Variants in MAPK14 observed in about 807,000 individuals in gnomAD.
MAPK14 encodes mitogen-activated protein kinase 14.
A neutral mutation model predicts 49.6 loss-of-function variants in MAPK14; 16 were observed. The ratio of observed to expected loss-of-function variants is 0.32; its 90% CI spans 0.22 to 0.49. The LOEUF (loss-of-function observed/expected upper bound fraction) is 0.49. Ranked by LOEUF, MAPK14 falls within the 20% of genes least tolerant of loss-of-function variation. MAPK14 has a pLI of 0.99. For synonymous variants in MAPK14, 142 were observed against 158.0 expected (o/e 0.90, Z 0.76); for missense variants, 200 against 441.2 (o/e 0.45, Z 4.90).
Position 36,028,915 on chromosome 6 carries a change from G to GC in MAPK14, c.116+643dup, listed in dbSNP as rs1185528202. Among the ~76,000 whole-genome samples, 2 of 150,716 alleles carry GC rather than the reference G, an allele frequency of 1.3e-5. No individual in the cohort carries two copies. The highest frequency in any genetic ancestry group is 6.6e-5 in the Admixed American group (1 of 15,046). ...TAAAATACCGACTTTATCTCGGTGA[G>GC]CACTGTGCCAGCTTGAGTGGTGTGT... is the stretch of plus-strand genomic sequence containing the variant. On this transcript the variant is annotated intron_variant, in intron 1 of 11. Coordinates refer to ENST00000229794, the MANE Select transcript of MAPK14 (RefSeq NM_139012.3). The surrounding 1 kb of genome is among the most constrained non-coding windows in gnomAD (Gnocchi z 5.1).
intron 2 of MAPK14, among the ~76,000 whole-genome samples, chr6:36,056,228 A>C (rs540476876): frequency 6.6e-6 from 1 of 152,240 alleles, no homozygotes; most frequent in East Asian, 1.9e-4. Flanking sequence ...GTAATTGTCT[A>C]TTCAACTGTG....
At chr6:36,121,134 C>T in the MAPK14 span, among the ~76,000 whole-genome samples, 1 of 151,952 alleles carries the variant, frequency 6.6e-6, no homozygotes, top group African/African-American at 2.4e-5. Flanking sequence ...GACGTGGTGA[C>T]AGGGATGAGG....
chr6:36,121,941 C>T, the MAPK14 span, among the ~76,000 whole-genome samples: 1 of 152,208 alleles, frequency 6.6e-6, no homozygotes, highest in Non-Finnish European at 1.5e-5. Flanking sequence ...GATTAAGTTA[C>T]ATGTATGTAA....
chr6:36,068,371 TTTACTC>T (rs1335648668), intron 3 of MAPK14, among the ~76,000 whole-genome samples: 8 of 152,136 alleles, frequency 5.3e-5, no homozygotes, highest in Non-Finnish European at 5.9e-5. Context: ...AATTTTGTGT[TTTACTC>T]TTAGTAAAAT....
At chr6:36,082,722 C>T (rs1369606630) in intron 8 of MAPK14, among the ~76,000 whole-genome samples, 1 of 152,186 alleles carries the variant, frequency 6.6e-6, no homozygotes, top group Non-Finnish European at 1.5e-5. Flanking sequence ...CTAACACCTT[C>T]AATCAGGCCC....
At chr6:36,077,121 T>C (rs1302140911) in intron 8 of MAPK14, among the ~76,000 whole-genome samples, 1 of 152,220 alleles carries the variant, frequency 6.6e-6, no homozygotes, top group Non-Finnish European at 1.5e-5. Flanking sequence ...TACCATGTAA[T>C]GTACTTTTGT....
intron 1 of MAPK14, among the ~76,000 whole-genome samples, chr6:36,035,115 T>A (rs897900545): frequency 2.6e-5 from 4 of 152,120 alleles, no homozygotes; most frequent in Admixed American, 1.3e-4. Context: ...GTCAGGCTGG[T>A]CTCGAACTCC....
intron 6 of MAPK14, among the ~76,000 whole-genome samples, chr6:36,075,345 T>A (rs1207941477): frequency 6.6e-6 from 1 of 152,152 alleles, no homozygotes; most frequent in Non-Finnish European, 1.5e-5. Context: ...TAGATTAGGT[T>A]TATCTTTTCT....
At chr6:36,080,821 G>A (rs1764727905) in intron 8 of MAPK14, among the ~76,000 whole-genome samples, 1 of 151,814 alleles carries the variant, frequency 6.6e-6, no homozygotes, top group Non-Finnish European at 1.5e-5. Flanking sequence ...AGCAATGCAT[G>A]AGGATTCCTG....
chr6:36,066,039 C>A lies in MAPK14; in HGVS notation c.305+6692C>A, dbSNP rs536436952. 5.3e-5 allele frequency among the ~76,000 whole-genome samples: 8 copies of A among 152,266 alleles called. No individual in the cohort carries two copies. In the South Asian group the frequency reaches 8.3e-4, roughly 16 times the overall value. ...ATGCTTATGAGTGAAACTGACAAAACATGTGGGTGAGCAGTTCTATAAAAA... is the reference window on the plus strand; with the variant it reads ...ATGCTTATGAGTGAAACTGACAAAAAATGTGGGTGAGCAGTTCTATAAAAA... On this transcript the variant is annotated intron_variant, in intron 3 of 11. Transcript: ENST00000229794.
intron 1 of MAPK14, among the ~76,000 whole-genome samples, chr6:36,047,996 G>C (rs1485440355): frequency 6.6e-6 from 1 of 151,982 alleles, no homozygotes; most frequent in Non-Finnish European, 1.5e-5. Flanking sequence ...AAAGTGCTGG[G>C]ATTATAGGCG....
intron 5 of MAPK14, 71 bp from the exon 6 acceptor site, chr6:36,073,978 T>G: frequency 8.7e-7 from 1 of 1,153,482 alleles, no homozygotes; most frequent in Non-Finnish European, 1.3e-6. Flanking sequence ...GGATCCTCAT[T>G]ATTACCTGTA....
At chr6:36,103,284 T>C (rs931037362) in intron 10 of MAPK14, among the ~76,000 whole-genome samples, 1 of 152,130 alleles carries the variant, frequency 6.6e-6, no homozygotes, top group African/African-American at 2.4e-5. Context: ...GCTGAAGATA[T>C]GTGTTGCCTT....
At chr6:36,080,842 C>T (rs1317380452) in intron 8 of MAPK14, among the ~76,000 whole-genome samples, 2 of 151,794 alleles carry the variant, frequency 1.3e-5, no homozygotes, top group Non-Finnish European at 2.9e-5. Flanking sequence ...TATCTCCAAA[C>T]TTGTTCTTTT....
chr6:36,036,184 C>T (rs1762741214), intron 1 of MAPK14, among the ~76,000 whole-genome samples: 1 of 147,704 alleles, frequency 6.8e-6, no homozygotes, highest in South Asian at 2.1e-4. Context: ...TGCAGTGAGC[C>T]ACTGCAACCA....
chr6:36,040,753 G>A (rs577666580), intron 1 of MAPK14, among the ~76,000 whole-genome samples: 117 of 152,292 alleles, frequency 7.7e-4, no homozygotes, highest in African/African-American at 2.8e-3. Context: ...GTCCAAGTTG[G>A]TAGGTAGGTA....
At chr6:36,073,608 A>G in intron 4 of MAPK14, 83 bp from the exon 5 acceptor site, 2 of 1,081,632 alleles carry the variant, frequency 1.8e-6, no homozygotes, top group African/African-American at 1.6e-5. Flanking sequence ...GTTCTTACTG[A>G]TTCATGAAAA....
In MAPK14 at chr6:36,107,291, C is replaced by T. The variant is rs201766824; in HGVS notation, c.842-164C>T. 6.9e-6 allele frequency among the ~76,000 whole-genome samples: 1 copy of T among 144,468 alleles called. No individual in the cohort carries two copies. The highest frequency in any genetic ancestry group is 7.0e-5 in the Admixed American group (1 of 14,308). 94.8% of individuals were successfully genotyped at this position (144,468 alleles called of 152,430 possible). Reference sequence around the variant, plus strand: ...AGATACACACACACACACACACACACATACACACATAAAGGAGAAGAGGGC... The same window carrying T: ...AGATACACACACACACACACACACATATACACACATAAAGGAGAAGAGGGC... On this transcript the variant is annotated intron_variant, in intron 10 of 11. Coordinates refer to ENST00000229794, the MANE Select transcript of MAPK14 (RefSeq NM_139012.3). This position sits in a 1 kb window ranked among gnomAD's most constrained non-coding sequence, Gnocchi z 4.3.
chr6:36,033,315 T>A (rs1762612511), intron 1 of MAPK14, among the ~76,000 whole-genome samples: 1 of 140,622 alleles, frequency 7.1e-6, no homozygotes, highest in African/African-American at 2.5e-5. Context: ...AATCCCATTT[T>A]TCCACTTTTT....
Sources: allele counts gnomAD v4.1 joint callset (sites outside exome capture counted in the v4.1 genomes callset), GRCh38; gene constraint gnomAD v4.1.1; non-coding constraint Gnocchi (gnomAD v3.1); transcripts MANE v1.5; gene names NCBI Gene and HGNC (gene_info 2026-07-23, HGNC 2026-07-21).